Variants in RBM33 observed in about 807,000 individuals in gnomAD.
RBM33 encodes the protein RNA-binding protein 33.
In RBM33, 28 loss-of-function variants were observed where a neutral mutation model predicts 132.6. The observed-to-expected ratio is 0.21, with a 90% CI of 0.16 to 0.29. RBM33 has a LOEUF of 0.29. Among genes scored for constraint, RBM33 ranks in the 10% least tolerant of loss-of-function variants. RBM33 has a pLI of 1.00. For synonymous variants in RBM33, 634 were observed against 593.0 expected (o/e 1.07, Z -1.01); for missense variants, 1,291 against 1,518.5 (o/e 0.85, Z 2.49).
chr7:155,741,852 A>G lies in RBM33; in HGVS notation c.2083A>G (p.Met695Val), dbSNP rs1285438196. ...TTSQNVSKRP[M>V]QQMQPTAPRN... ...TTCTCAGAATGTAAGCAAGCGGCCC[A>G]TGCAGCAAATGCAGCCCACTGCGCC... is the stretch of plus-strand genomic sequence containing the variant. Residue 695 changes from methionine to valine, a missense_variant, in exon 13 of 18, where the codon ATG becomes GTG. Physicochemically the swap from Met to Val is conservative, Grantham distance 21. This residue lies in a region of RBM33 where 841 missense variants were observed against 912.0 expected (regional missense o/e 0.92). Transcript: ENST00000401878. 6.2e-7 allele frequency: 1 copy of G among 1,613,382 alleles called. No individual in the cohort carries two copies. The highest frequency in any genetic ancestry group is 1.1e-5 in the South Asian group (1 of 91,074).
At chr7:155,691,277 G>A (rs1024019602) in intron 5 of RBM33, among the ~76,000 whole-genome samples, 1 of 152,132 alleles carries the variant, frequency 6.6e-6, no homozygotes, top group African/African-American at 2.4e-5. Context: ...TGAAGCTTGT[G>A]CAGTCATCAC....
chr7:155,777,509 G>T lies in RBM33; in HGVS notation c.*2468G>T, dbSNP rs1313787962. 6.6e-6 allele frequency: 1 copy of T among 152,200 alleles called. No homozygotes were observed. The highest frequency in any genetic ancestry group is 1.5e-5 in the Non-Finnish European group (1 of 68,016). The allele number at this position is 152,200 out of a possible 1,614,324, so 9.4% of individuals were successfully genotyped here. On this transcript the variant is annotated 3_prime_UTR_variant, in exon 18 of 18. Coordinates refer to ENST00000401878, the MANE Select transcript of RBM33 (RefSeq NM_053043.3). ...AAAAGGAAAGAAGCAGAATGAGAAA[G>T]GAATGGTACTTAGGTGTTTGGTATG...
At chr7:155,697,860 AAATAAATCTTTCAGGTTTTCAC>A (rs1167165729) in intron 5 of RBM33, among the ~76,000 whole-genome samples, 1 of 152,232 alleles carries the variant, frequency 6.6e-6, no homozygotes. Flanking sequence ...TAAGGATTAA[AAATAAATCTTTCAGGTTTTCAC>A]AATAAATCAG....
chr7:155,766,459 G>C lies in RBM33; in HGVS notation c.3187-8G>C, dbSNP rs759038179. The C allele has an allele frequency of 6.2e-6, 10 of 1,612,798 alleles. No individual in the cohort carries two copies. Among genetic ancestry groups the C allele is most frequent in the Middle Eastern group, 1.8e-4 (1 of 5,692 alleles). Reference sequence around the variant, plus strand: ...AAACTCTGAATGTATTTCCTTTGTTGTCACCAGGCCATCATGCACGGACGA... The same window carrying C: ...AAACTCTGAATGTATTTCCTTTGTTCTCACCAGGCCATCATGCACGGACGA... On this transcript the variant is annotated splice_polypyrimidine_tract_variant and splice_region_variant and intron_variant, in intron 15 of 17. Transcript: ENST00000401878.
chr7:155,671,717 A>G (rs1200122530), intron 2 of RBM33, among the ~76,000 whole-genome samples: 1 of 152,230 alleles, frequency 6.6e-6, no homozygotes, highest in African/African-American at 2.4e-5. Context: ...GATGCAGTTA[A>G]ATCTCCATGA....
At chr7:155,715,164 G>T (rs936703755) in intron 8 of RBM33, among the ~76,000 whole-genome samples, 2 of 152,166 alleles carry the variant, frequency 1.3e-5, no homozygotes, top group Non-Finnish European at 2.9e-5. Flanking sequence ...AGTAGCCGTT[G>T]AATGAATGGA....
intron 6 of RBM33, among the ~76,000 whole-genome samples, chr7:155,702,523 A>G (rs534393459): frequency 2.0e-4 from 30 of 152,362 alleles, no homozygotes; most frequent in Admixed American, 1.1e-3. Flanking sequence ...TAGGTGAAAG[A>G]TGGAGCGAAG....
intron 15 of RBM33, among the ~76,000 whole-genome samples, chr7:155,765,659 C>T (rs915737300): frequency 8.5e-5 from 13 of 152,214 alleles, no homozygotes; most frequent in Admixed American, 3.9e-4. Flanking sequence ...TGCGCTTCAC[C>T]GCTGTCCTAG....
chr7:155,718,518 C>A, intron 9 of RBM33, 75 bp downstream of exon 9: 2 of 1,177,770 alleles, frequency 1.7e-6, no homozygotes, highest in African/African-American at 1.5e-5. Context: ...ATAGCAAGTG[C>A]AAGAGGTTCC....
chr7:155,661,146 A>ATTTTTTTTT (rs3080619), intron 1 of RBM33, among the ~76,000 whole-genome samples: 3 of 81,190 alleles, frequency 3.7e-5, no homozygotes, highest in African/African-American at 8.3e-5. Flanking sequence ...ATATATATAT[A>ATTTTTTTTT]TTTTTTTTTT....
chr7:155,671,067 G>C (rs1303789309), intron 2 of RBM33, among the ~76,000 whole-genome samples: 1 of 152,156 alleles, frequency 6.6e-6, no homozygotes, highest in Non-Finnish European at 1.5e-5. Context: ...TAAGGTGATG[G>C]TATAGACGAG....
At chr7:155,678,892 C>T (rs2116920672) in intron 4 of RBM33, among the ~76,000 whole-genome samples, 1 of 152,284 alleles carries the variant, frequency 6.6e-6, no homozygotes, top group South Asian at 2.1e-4. Context: ...CAGTTCTTGG[C>T]CAGGCGTTGT....
chr7:155,724,133 C>T (rs1352242579), intron 9 of RBM33, among the ~76,000 whole-genome samples: 1 of 152,068 alleles, frequency 6.6e-6, no homozygotes, highest in Non-Finnish European at 1.5e-5. Context: ...ACAAAACACA[C>T]TGCTTTTTTT....
chr7:155,653,530 C>A (rs540695287), intron 1 of RBM33, among the ~76,000 whole-genome samples: 1 of 151,924 alleles, frequency 6.6e-6, no homozygotes, highest in Non-Finnish European at 1.5e-5. Flanking sequence ...AAAACTAACC[C>A]CATGTTAAGA....
At chr7:155,766,391 T>C in intron 15 of RBM33, 76 bp from the exon 16 acceptor site, 4 of 1,460,846 alleles carry the variant, frequency 2.7e-6, no homozygotes, top group Non-Finnish European at 3.7e-6. Flanking sequence ...AAGTTATTTG[T>C]TCACTTTTAT....
chr7:155,675,327 A>G (rs571951992), intron 3 of RBM33, among the ~76,000 whole-genome samples: 25 of 151,484 alleles, frequency 1.7e-4, no homozygotes, highest in Admixed American at 9.2e-4. Flanking sequence ...AATTATAGAT[A>G]TAAAACGTTA....
chr7:155,647,456 G>A (rs890780972), intron 1 of RBM33, among the ~76,000 whole-genome samples: 1 of 151,946 alleles, frequency 6.6e-6, no homozygotes, highest in African/African-American at 2.4e-5. Flanking sequence ...TTTGAGACAG[G>A]GTCTTGCTGT....
intron 5 of RBM33, among the ~76,000 whole-genome samples, chr7:155,699,183 G>A (rs1799885727): frequency 6.6e-6 from 1 of 152,174 alleles, no homozygotes; most frequent in Non-Finnish European, 1.5e-5. Context: ...AGATGACTTT[G>A]TAGAATCTTT....
At position 155,711,294 on chromosome 7, in the gene RBM33, T is replaced by TGCAGCACCC; in HGVS notation, c.1044_1052dup (p.Gln348_Pro350dup). On this transcript the variant is annotated inframe_insertion, in exon 8 of 18. Coordinates refer to ENST00000401878, the MANE Select transcript of RBM33 (RefSeq NM_053043.3). ...CAGCCGCTGCAGCCGCTGCTTCCGG[T>TGCAGCACCC]GCAGCACCCGCACCACCCATCCCCG... The TGCAGCACCC allele has an allele frequency of 9.3e-6, 15 of 1,606,858 alleles. No homozygotes were observed. Among genetic ancestry groups the TGCAGCACCC allele is most frequent in the Non-Finnish European group, 1.3e-5 (15 of 1,176,956 alleles).
Sources: allele counts gnomAD v4.1 joint callset (sites outside exome capture counted in the v4.1 genomes callset), GRCh38; gene constraint gnomAD v4.1.1; regional missense constraint gnomAD v4.1.1; transcripts MANE v1.5; gene names NCBI Gene and HGNC (gene_info 2026-07-23, HGNC 2026-07-21).